The following TEAD3 variants were observed in gnomAD, a reference collection of about 807,000 sequenced individuals.
TEAD3 encodes the protein TEA domain transcription factor 3, also known as transcriptional enhancer factor TEF-5.
Under a neutral mutation model 55.6 loss-of-function variants are expected in TEAD3, and 15 were observed. The observed-to-expected ratio is 0.27, with a 90% CI of 0.18 to 0.42. TEAD3 has a LOEUF of 0.42. TEAD3 is among the 10% of genes least tolerant of loss of function. TEAD3 has a pLI of 1.00. For synonymous variants in TEAD3, 210 were observed against 232.2 expected (o/e 0.90, Z 0.87); for missense variants, 407 against 576.8 (o/e 0.71, Z 3.01).
At chr6:35,479,190 T>A in intron 5 of TEAD3, 115 bp downstream of exon 5, 2 of 1,417,428 alleles carry the variant, frequency 1.4e-6, no homozygotes, top group Non-Finnish European at 2.0e-6. Flanking sequence ...TTCGTTTTTT[T>A]AAAATGAGGC....
chr6:35,477,170 A>AG, intron 8 of TEAD3, 141 bp downstream of exon 8: 2 of 817,982 alleles, frequency 2.4e-6, no homozygotes, highest in Non-Finnish European at 3.9e-6. Flanking sequence ...TACAAGGTAA[A>AG]GGGGCTATTC....
rs928685597 is a variant in TEAD3, at chr6:35,496,024, T to G, written c.-50+874A>C. Among the ~76,000 whole-genome samples, 1 of 152,114 alleles carries G rather than the reference T, an allele frequency of 6.6e-6. No homozygotes were observed. Among genetic ancestry groups the G allele is most frequent in the Non-Finnish European group, 1.5e-5 (1 of 68,006 alleles). On this transcript the variant is annotated intron_variant, in intron 1 of 12. Coordinates refer to ENST00000639578, the Ensembl canonical transcript of TEAD3. This position sits in a 1 kb window ranked among gnomAD's most constrained non-coding sequence, Gnocchi z 4.8. ...GAAAGTTGACAGAGCGGGGTCTCAA[T>G]GACACTGCCCCAGGGCCCAGCTGGG...
intron 1 of TEAD3, among the ~76,000 whole-genome samples, chr6:35,490,255 C>T (rs565066230): frequency 1.1e-4 from 17 of 152,282 alleles, no homozygotes; most frequent in African/African-American, 4.1e-4. Flanking sequence ...CCAAATATGG[C>T]GAACACAGCA....
At position 35,476,144 on chromosome 6, in the gene TEAD3, G is replaced by A. The variant is rs550125897; in HGVS notation, c.727-52C>T. 47 of 1,531,172 alleles carry A rather than the reference G, an allele frequency of 3.1e-5. No homozygotes were observed. In the South Asian group the frequency reaches 3.5e-4, roughly 11 times the overall value. The allele number at this position is 1,531,172 out of a possible 1,614,324, so 94.8% of individuals were successfully genotyped here. On this transcript the variant is annotated intron_variant, in intron 9 of 12. Coordinates refer to ENST00000639578, the Ensembl canonical transcript of TEAD3. ...GGAGAGTACTCAGGCTTGCAGGCCC[G>A]GGGGCGGGGAAGGGAGCACTGCACA...
rs758194210 is a variant in TEAD3, at chr6:35,474,998, A to T, written c.*46T>A. On this transcript the variant is annotated 3_prime_UTR_variant, in exon 13 of 13. Coordinates refer to ENST00000639578, the Ensembl canonical transcript of TEAD3. ...CCCCAGGGGTGCCAGGCAGGTGTGG[A>T]GAGGAGATGCTCACCCTGCATCCTT... The T allele has an allele frequency of 2.1e-6, 3 of 1,438,056 alleles. No individual in the cohort carries two copies. In the Admixed American group the frequency reaches 6.8e-5, roughly 32 times the overall value. The allele number at this position is 1,438,056 out of a possible 1,614,324, so 89.1% of individuals were successfully genotyped here.
chr6:35,490,896 T>C (rs937244988), intron 1 of TEAD3, among the ~76,000 whole-genome samples: 1 of 151,878 alleles, frequency 6.6e-6, no homozygotes, highest in Admixed American at 6.6e-5. Flanking sequence ...GGCTGCTGGC[T>C]GATGATGCCC....
intron 1 of TEAD3, among the ~76,000 whole-genome samples, chr6:35,487,769 A>G (rs1462452385): frequency 1.3e-5 from 2 of 152,128 alleles, no homozygotes; most frequent in African/African-American, 4.8e-5. Flanking sequence ...CAACAACAAC[A>G]AAAAACACTA....
chr6:35,493,962 G>C (rs972914294), intron 1 of TEAD3, among the ~76,000 whole-genome samples: 1 of 152,166 alleles, frequency 6.6e-6, no homozygotes, highest in African/African-American at 2.4e-5. Context: ...CAGGTTCTCA[G>C]GTACAGAGGT....
intron 1 of TEAD3, among the ~76,000 whole-genome samples, chr6:35,495,250 G>A (rs1056204190): frequency 1.3e-5 from 2 of 152,184 alleles, no homozygotes; most frequent in Non-Finnish European, 2.9e-5. Flanking sequence ...CCTTCAGTTG[G>A]CAGAAAGTGC....
At chr6:35,478,610 G>T (rs1425078801) in intron 5 of TEAD3, 39 bp from the exon 6 acceptor site, 4 of 1,555,382 alleles carry the variant, frequency 2.6e-6, no homozygotes, top group Middle Eastern at 1.7e-4. Context: ...GGCCACGCTG[G>T]ATGAGGCCAG....
At position 35,478,343 on chromosome 6, in the gene TEAD3, GC is replaced by G. The variant is rs1768195963; in HGVS notation, c.481-20del. The G allele has an allele frequency of 6.2e-7, 1 of 1,613,774 alleles. No homozygotes were observed. Among genetic ancestry groups the G allele is most frequent in the Non-Finnish European group, 8.5e-7 (1 of 1,179,830 alleles). On this transcript the variant is annotated intron_variant, in intron 6 of 12. Transcript: ENST00000639578. ...TCCAGAACTGCAGGGATGAGACAAG[GC>G]CCAGGGGCCCCTCAGCATCCATGAA...
At chr6:35,480,216 G>C in intron 3 of TEAD3, 96 bp downstream of exon 4, 2 of 1,558,728 alleles carry the variant, frequency 1.3e-6, no homozygotes, top group South Asian at 2.4e-5. Context: ...AGTGGGGCTG[G>C]AGAGCTGGCC....
downstream of TEAD3, chr6:35,473,664 G>A (rs1768080691): frequency 6.7e-6 from 1 of 148,398 alleles, no homozygotes; most frequent in African/African-American, 2.5e-5. Flanking sequence ...CAGGAGCTGG[G>A]CCTTTGAGGG....
chr6:35,480,247 C>G (rs1768239011), intron 3 of TEAD3, 65 bp downstream of exon 4: 1 of 1,581,542 alleles, frequency 6.3e-7, no homozygotes, highest in Non-Finnish European at 8.6e-7. Flanking sequence ...CTGAGCTATG[C>G]AGAGATAGCG....
chr6:35,476,046 A>G, exon 10 of TEAD3: 2 of 1,546,710 alleles, frequency 1.3e-6, no homozygotes, highest in Non-Finnish European at 1.7e-6. Context: ...TGGGTCTGAG[A>G]AGGCGGGGTT....
Position 35,484,707 on chromosome 6 carries a change from C to CT in TEAD3, c.203-84dup. On this transcript the variant is annotated intron_variant, in intron 2 of 12. Transcript: ENST00000639578. The surrounding 1 kb of genome is among the most constrained non-coding windows in gnomAD (Gnocchi z 5.8). ...AGGCCCCCACCCCACCGGGAAGCCA[C>CT]TCCAGGACCCTCCCCAAAACACTGC... The CT allele has an allele frequency of 8.6e-7, 1 of 1,164,148 alleles. No homozygotes were observed. The highest frequency in any genetic ancestry group is 1.3e-6 in the Non-Finnish European group (1 of 797,052). 72.1% of individuals were successfully genotyped at this position (1,164,148 alleles called of 1,614,324 possible). A position where few individuals can be genotyped will look rare whatever the true frequency, so the allele number is the denominator to read the frequency against.
chr6:35,481,446 A>T (rs111664213), intron 3 of TEAD3, among the ~76,000 whole-genome samples: 2,164 of 152,302 alleles, frequency 0.014, 59 homozygotes, highest in African/African-American at 0.046. Context: ...ACAGTGAGTA[A>T]GTATGTGATA....
intron 4 of TEAD3, 112 bp from the exon 5 acceptor site, chr6:35,479,428 G>A (rs963385814): frequency 5.1e-6 from 7 of 1,380,534 alleles, no homozygotes; most frequent in Non-Finnish European, 6.1e-6. Flanking sequence ...TTTAGCTTCC[G>A]AGGAGCCCAA....
At chr6:35,489,819 A>G (rs545671312) in intron 1 of TEAD3, among the ~76,000 whole-genome samples, 6 of 152,306 alleles carry the variant, frequency 3.9e-5, no homozygotes, top group Non-Finnish European at 5.9e-5. Flanking sequence ...AGCTCACTTG[A>G]GGCCAGGAGT....
Sources: allele counts gnomAD v4.1 joint callset (sites outside exome capture counted in the v4.1 genomes callset), GRCh38; gene constraint gnomAD v4.1.1; non-coding constraint Gnocchi (gnomAD v3.1); transcripts MANE v1.5; gene names NCBI Gene and HGNC (gene_info 2026-07-23, HGNC 2026-07-21).